KANK1: variants seen among roughly 807,000 people sequenced by gnomAD.
The protein encoded by KANK1 is KN motif and ankyrin repeat domain-containing protein 1.
In KANK1, 109 loss-of-function variants were observed where a neutral mutation model predicts 106.2. The observed-to-expected ratio is 1.03, with a 90% CI of 0.88 to 1.20. The LOEUF (loss-of-function observed/expected upper bound fraction) is 1.20. KANK1 is among the 50% of genes most tolerant of loss of function. The pLI is 0.00. For missense variants in KANK1, 2,399 were observed against 1,710.7 expected (o/e 1.40, Z -7.10); for synonymous variants, 873 against 652.2 (o/e 1.34, Z -5.16).
At chr9:536,797 G>A (rs1334586307) in intron 1 of KANK1, among the ~76,000 whole-genome samples, 1 of 152,148 alleles carries the variant, frequency 6.6e-6, no homozygotes, top group South Asian at 2.1e-4. Context: ...GGGCACCTTT[G>A]GGGGGCGCAT....
At chr9:656,815 C>G (rs1294454419) in intron 1 of KANK1, among the ~76,000 whole-genome samples, 1 of 152,098 alleles carries the variant, frequency 6.6e-6, no homozygotes, top group Non-Finnish European at 1.5e-5. Flanking sequence ...TAAAGGATAG[C>G]AACATAAGGC....
upstream of KANK1, among the ~76,000 whole-genome samples, chr9:500,857 G>C (rs944280382): frequency 6.6e-6 from 1 of 152,158 alleles, no homozygotes; most frequent in East Asian, 1.9e-4. Context: ...CTGAAAATTG[G>C]AAAGCAACAG....
At chr9:727,124 A>G (rs1415742348) in intron 3 of KANK1, among the ~76,000 whole-genome samples, 2 of 152,168 alleles carry the variant, frequency 1.3e-5, no homozygotes, top group Non-Finnish European at 2.9e-5. Flanking sequence ...ACCAGTGCTT[A>G]TATGGTTGTT....
intron 3 of KANK1, among the ~76,000 whole-genome samples, chr9:717,160 C>G (rs1300692964): frequency 6.6e-6 from 1 of 151,868 alleles, no homozygotes; most frequent in African/African-American, 2.4e-5. Flanking sequence ...TGGCAGATGC[C>G]CGTAGTCCCA....
chr9:486,360 G>C (rs10974773), intron 3 of KANK1, among the ~76,000 whole-genome samples: 38,038 of 152,068 alleles, frequency 0.25, 6,122 homozygotes, highest in East Asian at 0.46. Context: ...TCGTCGTCAT[G>C]ATCATCATCA....
Position 740,815 on chromosome 9 carries a change from A to C in KANK1, c.3577A>C (p.Asn1193His), listed in dbSNP as rs373838154. 4.3e-6 allele frequency: 7 copies of C among 1,613,456 alleles called. No homozygotes were observed. Among genetic ancestry groups the C allele is most frequent in the Non-Finnish European group, 5.9e-6 (7 of 1,179,984 alleles). Residue 1193 changes from asparagine to histidine, a missense_variant, in exon 9 of 12, where the codon AAC becomes CAC. Physicochemically the swap from Asn to His is moderately conservative, Grantham distance 68. Coordinates refer to ENST00000382297, the MANE Select transcript of KANK1 (RefSeq NM_015158.5). ...AGATGTGTGTAATGTGGATCACCAG[A>C]ACAAGGCAGGCTACACCCCCATCAT... is the stretch of plus-strand genomic sequence containing the variant. ...DADVCNVDHQNKAGYTPIMLA... is the reference protein window; with the variant it reads ...DADVCNVDHQHKAGYTPIMLA...
intron 1 of KANK1, among the ~76,000 whole-genome samples, chr9:628,733 C>T (rs534132355): frequency 6.6e-6 from 1 of 152,104 alleles, no homozygotes; most frequent in Admixed American, 6.5e-5. Context: ...TGGCGGGTTT[C>T]TTTGTGGCCA....
chr9:608,430 A>T (rs1346985388), intron 1 of KANK1, among the ~76,000 whole-genome samples: 1 of 151,926 alleles, frequency 6.6e-6, no homozygotes, highest in Non-Finnish European at 1.5e-5. Flanking sequence ...AAGAGCTAAA[A>T]GAAATCATTT....
chr9:493,344 T>C (rs1177848607), intron 3 of KANK1, among the ~76,000 whole-genome samples: 1 of 152,082 alleles, frequency 6.6e-6, no homozygotes, highest in African/African-American at 2.4e-5. Flanking sequence ...TGAGCCTCCT[T>C]AGAAGAGTGA....
rs10758862 is a variant in KANK1 at position 740,472 on chromosome 9, G to A, written c.3554-320G>A. On this transcript the variant is annotated intron_variant, in intron 8 of 11. Transcript: ENST00000382297. The stretch of plus-strand genomic sequence containing the variant: ...GCTGAGTGCCTAGATTCCAAAAATC[G>A]TTTATTCTCAAGAGCAACCAGTAGA... Among the ~76,000 whole-genome samples the A allele has an allele frequency of 0.33, 49,566 of 152,036 alleles. 8,265 individuals carry two copies. The highest frequency in any genetic ancestry group is 0.36 in the Non-Finnish European group (24,182 of 67,996).
At chr9:697,408 A>G (rs1373603144) in intron 2 of KANK1, among the ~76,000 whole-genome samples, 1 of 152,242 alleles carries the variant, frequency 6.6e-6, no homozygotes. Flanking sequence ...TGCCACAGAA[A>G]AGAGCTTTTA....
Position 635,793 on chromosome 9 carries a change from G to T in KANK1, c.-83-41097G>T, listed in dbSNP as rs573088552. On this transcript the variant is annotated intron_variant, in intron 1 of 11. Coordinates refer to ENST00000382297, the MANE Select transcript of KANK1 (RefSeq NM_015158.5). Reference sequence around the variant, plus strand: ...AGCTCACTGCAACCTCTGCTTCCCGGGTTCAGGTGATTCTCCTGTCTCAGC... The same window carrying T: ...AGCTCACTGCAACCTCTGCTTCCCGTGTTCAGGTGATTCTCCTGTCTCAGC... Among the ~76,000 whole-genome samples, 11 of 139,714 alleles carry T rather than the reference G, an allele frequency of 7.9e-5. No homozygotes were observed. In the East Asian group the frequency reaches 1.7e-3, roughly 22 times the overall value. 91.7% of individuals were successfully genotyped at this position (139,714 alleles called of 152,430 possible).
intron 1 of KANK1, among the ~76,000 whole-genome samples, chr9:578,185 C>G (rs1285174056): frequency 6.6e-6 from 1 of 152,102 alleles, no homozygotes; most frequent in Non-Finnish European, 1.5e-5. Context: ...GTTGGATCAC[C>G]CCAGAAATAA....
chr9:571,997 C>T (rs760292914), intron 1 of KANK1, among the ~76,000 whole-genome samples: 1 of 152,108 alleles, frequency 6.6e-6, no homozygotes, highest in Non-Finnish European at 1.5e-5. Flanking sequence ...TGTGGTTGGG[C>T]ATCTTTTTCT....
rs150225563 is a variant in KANK1, at chr9:658,970, C to T, written c.-83-17920C>T. ...ACATCTGCATACCCTCAACTTCAGT[C>T]CTAAGGAAGGGTACCTCTGTTATTC... On this transcript the variant is annotated intron_variant, in intron 1 of 11. Coordinates refer to ENST00000382297, the MANE Select transcript of KANK1 (RefSeq NM_015158.5). Among the ~76,000 whole-genome samples the T allele has an allele frequency of 6.3e-4, 96 of 152,290 alleles. 1 individual carries two copies. Among genetic ancestry groups the T allele is most frequent in the African/African-American group, 2.1e-3 (89 of 41,552 alleles).
chr9:707,176 C>T lies in KANK1; in HGVS notation c.38-3628C>T, dbSNP rs533641483. The T allele has an allele frequency of 1.5e-3, 1,472 of 985,738 alleles. 12 individuals are homozygous for T. The African/African-American group carries it at 0.019, about 12-fold the overall frequency. The allele number at this position is 985,738 out of a possible 1,614,324, so 61.1% of individuals were successfully genotyped here. ...GGTGAGGATCGAGGGCGCCCGAGGCCGGGTCCGGCTGAGCTGGAGCGAGCT... is the reference window on the plus strand; with the variant it reads ...GGTGAGGATCGAGGGCGCCCGAGGCTGGGTCCGGCTGAGCTGGAGCGAGCT... On this transcript the variant is annotated intron_variant, in intron 2 of 11. Transcript: ENST00000382297.
At chr9:620,987 A>C (rs1833016008) in intron 1 of KANK1, among the ~76,000 whole-genome samples, 1 of 152,140 alleles carries the variant, frequency 6.6e-6, no homozygotes, top group Non-Finnish European at 1.5e-5. Flanking sequence ...TCTTGAATCA[A>C]ATTCTCTAAT....
intron 1 of KANK1, among the ~76,000 whole-genome samples, chr9:614,560 C>T (rs1231281590): frequency 6.6e-6 from 1 of 152,064 alleles, no homozygotes; most frequent in African/African-American, 2.4e-5. Flanking sequence ...TAGGACAGTT[C>T]CTCATTGTGT....
chr9:658,979 G>C (rs901657857), intron 1 of KANK1, among the ~76,000 whole-genome samples: 3 of 152,096 alleles, frequency 2.0e-5, no homozygotes, highest in African/African-American at 4.8e-5. Context: ...TCCTAAGGAA[G>C]GGTACCTCTG....
Sources: gnomAD v4.1 joint callset for allele counts (sites outside exome capture counted in the v4.1 genomes callset) on GRCh38, gnomAD v4.1.1 for gene constraint, MANE v1.5 for transcripts, NCBI Gene and HGNC (gene_info 2026-07-23, HGNC 2026-07-21) for gene names.